KCTD3: variants seen among roughly 807,000 people sequenced by gnomAD.
KCTD3 encodes BTB/POZ domain-containing protein KCTD3.
KCTD3 carries 41 observed loss-of-function variants against 85.8 expected under a neutral mutation model. The ratio of observed to expected loss-of-function variants is 0.48; its 90% confidence interval spans 0.37 to 0.62. The LOEUF (loss-of-function observed/expected upper bound fraction) is 0.62, where lower values mean the gene tolerates loss of function less well. KCTD3 is among the 20% of genes least tolerant of loss of function. The probability of loss-of-function intolerance (pLI) is 0.00; values close to 1 mark genes in which losing one functional copy is unlikely to be tolerated. For missense variants in KCTD3, 724 were observed against 989.9 expected, an observed-to-expected ratio of 0.73 and a Z score of 3.60; for synonymous variants, 338 against 345.4, an observed-to-expected ratio of 0.98 and a Z score of 0.24.
At chr1:215,613,974 A>G (rs1317665331) in intron 15 of KCTD3, among the ~76,000 whole-genome samples, 1 of 53,580 alleles carries the variant, frequency 1.9e-5, no homozygotes, top group African/African-American at 7.5e-5. Flanking sequence ...TGCTTTGTCT[A>G]TTTTATTTGG....
At chr1:215,608,193 G>A (rs1655104716) in intron 14 of KCTD3, 21 bp downstream of exon 14, 1 of 1,584,348 alleles carries the variant, frequency 6.3e-7, no homozygotes, top group Non-Finnish European at 8.6e-7. Context: ...TTATTTTAGG[G>A]CATTTTTAGG....
intron 3 of KCTD3, among the ~76,000 whole-genome samples, chr1:215,574,374 A>G: frequency 6.6e-6 from 1 of 152,270 alleles, no homozygotes. Flanking sequence ...GCATTAGAAG[A>G]AATTTTTTTA....
At chr1:215,618,431 T>C (rs982156044) in intron 15 of KCTD3, 1 of 166,094 alleles carries the variant, frequency 6.0e-6, no homozygotes, top group African/African-American at 2.4e-5. Flanking sequence ...CGTTTGCCTA[T>C]ACTGATTTTT....
At position 215,605,185 on chromosome 1, in the gene KCTD3, C is replaced by T. The variant is rs59214288; in HGVS notation, c.1309+883C>T. Among the ~76,000 whole-genome samples the T allele has an allele frequency of 3.5e-3, 539 of 152,206 alleles. 4 individuals carry two copies. The highest frequency in any genetic ancestry group is 0.013 in the African/African-American group (525 of 41,532). On this transcript the variant is annotated intron_variant, in intron 13 of 17. Coordinates refer to ENST00000259154, the MANE Select transcript of KCTD3 (RefSeq NM_016121.5). ...TTTTACAAACATGGTTTTCATGTGT[C>T]AGATTTGTTTTTGTGAAGGCTGGCT...
chr1:215,588,973 C>T (rs1265035411), intron 9 of KCTD3, among the ~76,000 whole-genome samples: 1 of 152,168 alleles, frequency 6.6e-6, no homozygotes, highest in Non-Finnish European at 1.5e-5. Flanking sequence ...ATTAGTCTCT[C>T]AGCAATTGGG....
chr1:215,592,102 A>C (rs1216341859), intron 9 of KCTD3, among the ~76,000 whole-genome samples: 6 of 152,320 alleles, frequency 3.9e-5, no homozygotes, highest in Non-Finnish European at 7.4e-5. Flanking sequence ...CGACAAAGGA[A>C]AGACCTGTCC....
At chr1:215,615,359 G>A (rs758646916) in intron 15 of KCTD3, among the ~76,000 whole-genome samples, 4 of 152,108 alleles carry the variant, frequency 2.6e-5, no homozygotes, top group Non-Finnish European at 4.4e-5. Context: ...GGTGGCTCAC[G>A]GCTGTAGTCC....
In KCTD3 at chr1:215,620,572, C is replaced by T. The variant is rs754034054; in HGVS notation, c.2402C>T (p.Pro801Leu). Residue 801 changes from proline (P) to leucine (L), a missense_variant, in exon 18 of 18, where the codon CCT becomes CTT. Transcript: ENST00000259154. The stretch of plus-strand genomic sequence containing the variant: ...TCTCCTACAAAGACTACTCCATCTC[C>T]TCGGCATAAAAAAAGTGATTCTTCA... Reference protein sequence around the residue: ...SPSPTKTTPSPRHKKSDSSGQ... With the variant: ...SPSPTKTTPSLRHKKSDSSGQ... The T allele has an allele frequency of 1.2e-6, 2 of 1,607,528 alleles. No homozygotes were observed. The highest frequency in any genetic ancestry group is 3.4e-5 in the Admixed American group (2 of 58,358).
At chr1:215,610,567 TATTC>T (rs1655192372) in intron 14 of KCTD3, among the ~76,000 whole-genome samples, 1 of 151,988 alleles carries the variant, frequency 6.6e-6, no homozygotes, top group South Asian at 2.1e-4. Flanking sequence ...TATTCTGAGT[TATTC>T]ATTGTCAATA....
At chr1:215,616,508 C>G (rs1440862617) in intron 15 of KCTD3, among the ~76,000 whole-genome samples, 1 of 152,114 alleles carries the variant, frequency 6.6e-6, no homozygotes, top group Non-Finnish European at 1.5e-5. Flanking sequence ...CACCTGTAAT[C>G]CCAGCACTTT....
intron 8 of KCTD3, chr1:215,581,002 C>T (rs571131543): frequency 3.3e-5 from 15 of 460,232 alleles, no homozygotes; most frequent in Non-Finnish European, 4.4e-6. Context: ...TGGGTCACGC[C>T]TGTAATCCCA....
chr1:215,620,159 G>A lies in KCTD3; in HGVS notation c.1989G>A (p.Glu663=). The change falls in exon 18 of 18, where the codon GAG becomes GAA. Residue 663 remains glutamate, a synonymous_variant. Coordinates refer to ENST00000259154, the MANE Select transcript of KCTD3 (RefSeq NM_016121.5). ...TATTAGCAAGGGCAAGAAGGACTGA[G>A]AGCTTTCACAGTTATAGGGACTTCC... ...SPLLARARRT[E]SFHSYRDFQT... 6.2e-7 allele frequency: 1 copy of A among 1,613,818 alleles called. No individual in the cohort carries two copies. Among genetic ancestry groups the A allele is most frequent in the East Asian group, 2.2e-5 (1 of 44,858 alleles).
At chr1:215,618,080 C>G (rs915886332) in intron 15 of KCTD3, 8 of 465,794 alleles carry the variant, frequency 1.7e-5, no homozygotes, top group Non-Finnish European at 3.6e-5. Flanking sequence ...ATGCTTCTCT[C>G]TTGTCAGTCT....
At chr1:215,579,250 T>C (rs1659711382) in intron 7 of KCTD3, 113 bp downstream of exon 7, 6 of 743,730 alleles carry the variant, frequency 8.1e-6, no homozygotes, top group Non-Finnish European at 1.3e-5. Flanking sequence ...TTATCCAGAT[T>C]TATCATTTAT....
chr1:215,590,627 G>A (rs1660174666), intron 9 of KCTD3, among the ~76,000 whole-genome samples: 1 of 152,070 alleles, frequency 6.6e-6, no homozygotes, highest in African/African-American at 2.4e-5. Flanking sequence ...CTGCAGTTAA[G>A]TTCATCTAGT....
intron 12 of KCTD3, 47 bp from the exon 13 acceptor site, chr1:215,604,082 TTTA>T: frequency 7.0e-7 from 1 of 1,434,022 alleles, no homozygotes; most frequent in Non-Finnish European, 9.4e-7. Flanking sequence ...GGGTAGCTTT[TTTA>T]TTATCGTTCC....
intron 15 of KCTD3, 73 bp from the exon 16 acceptor site, chr1:215,618,813 C>A: frequency 8.9e-7 from 1 of 1,124,862 alleles, no homozygotes; most frequent in South Asian, 1.5e-5. Context: ...TTCTTTCTGT[C>A]TTTTTAGTTT....
chr1:215,578,027 T>C lies in KCTD3; in HGVS notation c.343T>C (p.Leu115=), dbSNP rs1326928366. The change falls in exon 6 of 18, where the codon TTG becomes CTG. Residue 115 remains leucine (L), a synonymous_variant. Coordinates refer to ENST00000259154, the MANE Select transcript of KCTD3 (RefSeq NM_016121.5). ...LVRRLLLCEE[L]ERSSCGSVLF... is the part of the protein sequence containing the mutation. ...AAGAAGGCTTCTCTTATGTGAAGAA[T>C]TGGAGCGTTCCTCTTGTGGCAGTGT... The C allele has an allele frequency of 1.9e-6, 3 of 1,612,666 alleles. No individual in the cohort carries two copies. The South Asian group carries it at 3.3e-5, about 18-fold the overall frequency.
At chr1:215,575,547 G>A (rs149336340) in intron 3 of KCTD3, among the ~76,000 whole-genome samples, 43 of 152,216 alleles carry the variant, frequency 2.8e-4, no homozygotes, top group East Asian at 2.1e-3. Flanking sequence ...TCATGTTTTC[G>A]AAGTATTAAT....
Sources: allele counts gnomAD v4.1 joint callset (sites outside exome capture counted in the v4.1 genomes callset), GRCh38; gene constraint gnomAD v4.1.1; transcripts MANE v1.5; gene names NCBI Gene and HGNC (gene_info 2026-07-23, HGNC 2026-07-21).